PTPRD: variants seen among roughly 807,000 people sequenced by gnomAD.
PTPRD encodes the protein protein tyrosine phosphatase receptor type D, also known as receptor-type tyrosine-protein phosphatase delta.
A neutral mutation model predicts 214.5 loss-of-function variants in PTPRD; 34 were observed. The observed-to-expected ratio is 0.16, with a 90% CI of 0.12 to 0.21. The LOEUF is 0.21. Among genes scored for constraint, PTPRD ranks in the 10% least tolerant of loss-of-function variants. PTPRD has a pLI of 1.00. For synonymous variants in PTPRD, 1,128 were observed against 845.7 expected, an observed-to-expected ratio of 1.33 and a Z score of -5.79; for missense variants, 2,545 against 2,398.7, an observed-to-expected ratio of 1.06 and a Z score of -1.27.
At chr9:8,994,477 T>A (rs751677406) in intron 11 of PTPRD, among the ~76,000 whole-genome samples, 2 of 152,052 alleles carry the variant, frequency 1.3e-5, no homozygotes, top group Non-Finnish European at 2.9e-5. Context: ...CTGAGATCAA[T>A]AGGACAATTA....
chr9:9,573,750 T>TC (rs2087382512), intron 8 of PTPRD, among the ~76,000 whole-genome samples: 1 of 151,872 alleles, frequency 6.6e-6, no homozygotes. Flanking sequence ...CAGAGGAATT[T>TC]CACTTTCCTC....
chr9:9,696,948 G>T (rs527353401), intron 7 of PTPRD, among the ~76,000 whole-genome samples: 1 of 151,956 alleles, frequency 6.6e-6, no homozygotes. Context: ...TTCATATTTA[G>T]TGTATTCATT....
intron 2 of PTPRD, among the ~76,000 whole-genome samples, chr9:10,568,893 A>C (rs1197139380): frequency 6.6e-6 from 1 of 152,184 alleles, no homozygotes; most frequent in Non-Finnish European, 1.5e-5. Flanking sequence ...CACCAAAAGC[A>C]ATGGCAACAA....
intron 3 of PTPRD, among the ~76,000 whole-genome samples, chr9:10,178,744 T>G (rs1046407463): frequency 5.3e-5 from 8 of 151,986 alleles, no homozygotes; most frequent in Non-Finnish European, 8.8e-5. Context: ...GGGGCTTTCC[T>G]GTGCATTATA....
chr9:10,350,661 C>A (rs1470546797), intron 2 of PTPRD, among the ~76,000 whole-genome samples: 1 of 151,994 alleles, frequency 6.6e-6, no homozygotes. Context: ...GGCCATCTGC[C>A]AAAACAGTCT....
intron 11 of PTPRD, among the ~76,000 whole-genome samples, chr9:8,872,629 T>G (rs1440499038): frequency 6.6e-6 from 1 of 152,236 alleles, no homozygotes; most frequent in Non-Finnish European, 1.5e-5. Context: ...TCCTCTAGCA[T>G]GTAGCCTACA....
chr9:8,498,070 T>C (rs1466702328), intron 25 of PTPRD, among the ~76,000 whole-genome samples: 1 of 152,126 alleles, frequency 6.6e-6, no homozygotes. Flanking sequence ...CTTTCCAGTG[T>C]TGAAGGGGTA....
In PTPRD at chr9:9,080,960, A is replaced by AT. The variant is rs547694644; in HGVS notation, c.-142-62226dup. Among the ~76,000 whole-genome samples, 35 of 151,946 alleles carry AT rather than the reference A, an allele frequency of 2.3e-4. No individual in the cohort carries two copies. In the South Asian group the frequency reaches 6.8e-3, roughly 30 times the overall value. ...AAAAAAACAGCTCCTGGATTCACTGATTTTTTTAAAGGGTTTTTCATGTCT... is the reference window on the plus strand; with the variant it reads ...AAAAAAACAGCTCCTGGATTCACTGATTTTTTTTAAAGGGTTTTTCATGTCT... On this transcript the variant is annotated intron_variant, in intron 10 of 45. Transcript: ENST00000381196.
intron 5 of PTPRD, among the ~76,000 whole-genome samples, chr9:9,791,181 C>G (rs1361866966): frequency 6.6e-6 from 1 of 151,982 alleles, no homozygotes; most frequent in Non-Finnish European, 1.5e-5. Flanking sequence ...AGGGGATTCT[C>G]AGCTGGTTTT....
intron 4 of PTPRD, among the ~76,000 whole-genome samples, chr9:9,966,658 T>C (rs986256351): frequency 6.6e-6 from 1 of 152,108 alleles, no homozygotes; most frequent in Non-Finnish European, 1.5e-5. Context: ...AAGTCATGAA[T>C]GGGGAGAAGT....
At chr9:9,862,211 GAAAA>G (rs139742084) in intron 5 of PTPRD, among the ~76,000 whole-genome samples, 1 of 136,460 alleles carries the variant, frequency 7.3e-6, no homozygotes, top group Admixed American at 7.4e-5. Flanking sequence ...GCCATCATTG[GAAAA>G]AAAAAAAAAG....
intron 5 of PTPRD, among the ~76,000 whole-genome samples, chr9:9,876,955 A>G (rs2067063140): frequency 6.6e-6 from 1 of 152,180 alleles, no homozygotes; most frequent in Non-Finnish European, 1.5e-5. Context: ...GAAACAAGAA[A>G]ACATAAGTTG....
chr9:10,316,993 TGCATTCACAAAGCAA>T (rs1311943209), intron 3 of PTPRD, among the ~76,000 whole-genome samples: 1 of 151,978 alleles, frequency 6.6e-6, no homozygotes, highest in Non-Finnish European at 1.5e-5. Flanking sequence ...AAAACATGCA[TGCATTCACAAAGCAA>T]GCAATTCTAT....
At chr9:9,751,166 G>A (rs1005649283) in intron 6 of PTPRD, among the ~76,000 whole-genome samples, 1 of 148,894 alleles carries the variant, frequency 6.7e-6, no homozygotes, top group Non-Finnish European at 1.5e-5. Context: ...TCTCCACTAA[G>A]TATTGAACTT....
At chr9:9,619,260 G>A (rs2095089091) in intron 7 of PTPRD, among the ~76,000 whole-genome samples, 1 of 152,028 alleles carries the variant, frequency 6.6e-6, no homozygotes, top group South Asian at 2.1e-4. Flanking sequence ...ACTTGCAGAT[G>A]TTGAAATGAA....
intron 12 of PTPRD, among the ~76,000 whole-genome samples, chr9:8,687,837 T>A (rs2097715714): frequency 6.6e-6 from 1 of 152,120 alleles, no homozygotes; most frequent in South Asian, 2.1e-4. Flanking sequence ...TACATCAGTG[T>A]CTACATTTGG....
At chr9:9,647,736 T>C (rs556288493) in intron 7 of PTPRD, among the ~76,000 whole-genome samples, 1 of 152,326 alleles carries the variant, frequency 6.6e-6, no homozygotes, top group Admixed American at 6.5e-5. Context: ...CAGCAGACCT[T>C]TTTGTCTTGG....
intron 8 of PTPRD, among the ~76,000 whole-genome samples, chr9:9,407,093 C>T (rs2073745332): frequency 6.6e-6 from 1 of 151,666 alleles, no homozygotes; most frequent in Admixed American, 6.6e-5. Flanking sequence ...ATTAGATAGG[C>T]TTACCACCAC....
intron 10 of PTPRD, among the ~76,000 whole-genome samples, chr9:9,073,111 T>A (rs769158027): frequency 4.6e-5 from 7 of 152,158 alleles, no homozygotes; most frequent in Non-Finnish European, 8.8e-5. Flanking sequence ...GACGAGAGAA[T>A]GTTGAGGGAA....
Sources: gnomAD v4.1 joint callset for allele counts (sites outside exome capture counted in the v4.1 genomes callset) on GRCh38, gnomAD v4.1.1 for gene constraint, MANE v1.5 for transcripts, NCBI Gene and HGNC (gene_info 2026-07-23, HGNC 2026-07-21) for gene names.